Variants in RNF144A observed in about 807,000 individuals in gnomAD.
RNF144A encodes E3 ubiquitin-protein ligase RNF144A.
A neutral mutation model predicts 38.7 loss-of-function variants in RNF144A; 11 were observed. The ratio of observed to expected loss-of-function variants is 0.28; its 90% CI spans 0.18 to 0.47. RNF144A has a LOEUF of 0.47. RNF144A is among the 20% of genes least tolerant of loss of function. RNF144A has a pLI of 0.99. For synonymous variants in RNF144A, 149 were observed against 143.9 expected (o/e 1.04, Z -0.25); for missense variants, 316 against 377.2 (o/e 0.84, Z 1.34).
chr2:6,920,605 C>T (rs929714985), intron 1 of RNF144A, among the ~76,000 whole-genome samples: 1 of 152,132 alleles, frequency 6.6e-6, no homozygotes, highest in Non-Finnish European at 1.5e-5. Flanking sequence ...AGCCCAGAGG[C>T]GGGGAATGGA....
At chr2:6,973,896 C>T (rs928418053) in intron 2 of RNF144A, among the ~76,000 whole-genome samples, 1 of 152,216 alleles carries the variant, frequency 6.6e-6, no homozygotes, top group African/African-American at 2.4e-5. Flanking sequence ...ACCCCATGAT[C>T]CACAAAGCCT....
intron 6 of RNF144A, among the ~76,000 whole-genome samples, chr2:7,067,063 A>G (rs1344181461): frequency 1.3e-5 from 2 of 152,192 alleles, no homozygotes; most frequent in Non-Finnish European, 2.9e-5. Context: ...GTCTTTGCTT[A>G]TTTTTGGTAG....
downstream of RNF144A, among the ~76,000 whole-genome samples, chr2:7,069,154 G>T (rs1180783675): frequency 6.6e-6 from 1 of 152,160 alleles, no homozygotes; most frequent in Non-Finnish European, 1.5e-5. Flanking sequence ...GTTGAGTTGG[G>T]GATAGCTGTG....
At chr2:6,939,338 A>G (rs1665816023) in intron 1 of RNF144A, among the ~76,000 whole-genome samples, 1 of 152,188 alleles carries the variant, frequency 6.6e-6, no homozygotes, top group African/African-American at 2.4e-5. Context: ...TTGGTTAGTC[A>G]TGTAGAGCAA....
chr2:6,967,657 G>C (rs747026603), intron 2 of RNF144A, among the ~76,000 whole-genome samples: 3 of 152,206 alleles, frequency 2.0e-5, no homozygotes, highest in Non-Finnish European at 4.4e-5. Context: ...TGACTGCGGT[G>C]GTGAATCCTT....
At chr2:7,065,486 T>C (rs939985935) in intron 6 of RNF144A, among the ~76,000 whole-genome samples, 1 of 152,262 alleles carries the variant, frequency 6.6e-6, no homozygotes, top group East Asian at 1.9e-4. Flanking sequence ...AAAGAAATAT[T>C]ATCTTTTGCT....
In RNF144A at chr2:7,043,263, G is replaced by A; in HGVS notation, c.*3503G>A. Reference sequence around the variant, plus strand: ...AGTTCCTGATTAGAACACAGGACCTGTGGGAGGGACTATCAGAGATGCAAA... The same window carrying A: ...AGTTCCTGATTAGAACACAGGACCTATGGGAGGGACTATCAGAGATGCAAA... On this transcript the variant is annotated 3_prime_UTR_variant, in exon 9 of 9. Coordinates refer to ENST00000320892, the MANE Select transcript of RNF144A (RefSeq NM_014746.6). The A allele has an allele frequency of 1.0e-6, 1 of 985,118 alleles. No individual in the cohort carries two copies. The highest frequency in any genetic ancestry group is 1.7e-5 in the African/African-American group (1 of 57,364). The allele number at this position is 985,118 out of a possible 1,614,324, so 61.0% of individuals were successfully genotyped here.
rs1667141706 is a variant in RNF144A, at chr2:6,958,477, T to C, written c.-12+17330T>C. 6.6e-6 allele frequency among the ~76,000 whole-genome samples: 1 copy of C among 152,174 alleles called. No individual in the cohort carries two copies. Among genetic ancestry groups the C allele is most frequent in the Admixed American group, 6.5e-5 (1 of 15,282 alleles). On this transcript the variant is annotated intron_variant, in intron 2 of 8. Transcript: ENST00000320892. This position sits in a 1 kb window ranked among gnomAD's most constrained non-coding sequence, Gnocchi z 4.5. ...TTAGTGATTCATGGTGCTCTCAGCATAGACCTTGAGCAATAACCCATGTGG... is the reference window on the plus strand; with the variant it reads ...TTAGTGATTCATGGTGCTCTCAGCACAGACCTTGAGCAATAACCCATGTGG...
In RNF144A at chr2:7,020,508, G is replaced by A; in HGVS notation, c.337G>A (p.Ala113Thr). ...TGATCCCTGTCGGACTTGGTGCCCG[G>A]CGTCCACCTGCCAAGCTGTGTGTCA... is the stretch of plus-strand genomic sequence containing the variant. ...LFDPCRTWCP[A>T]STCQAVCQLQ... The change falls in exon 6 of 9, where the codon GCG (alanine) becomes ACG (threonine). Residue 113 changes from alanine (A) to threonine (T), a missense_variant. Ala to Thr is a moderately conservative substitution (Grantham distance 58). Coordinates refer to ENST00000320892, the MANE Select transcript of RNF144A (RefSeq NM_014746.6). 2 of 1,613,730 alleles carry A rather than the reference G, an allele frequency of 1.2e-6. No individual in the cohort carries two copies. Among genetic ancestry groups the A allele is most frequent in the Admixed American group, 3.3e-5 (2 of 60,016 alleles).
chr2:6,942,113 T>C (rs1666031333), intron 2 of RNF144A, among the ~76,000 whole-genome samples: 1 of 152,208 alleles, frequency 6.6e-6, no homozygotes, highest in Non-Finnish European at 1.5e-5. Context: ...TTGGAGGATA[T>C]TGCAGATGGC....
Position 6,941,771 on chromosome 2 carries a change from G to A in RNF144A, c.-12+624G>A, listed in dbSNP as rs1040394107. On this transcript the variant is annotated intron_variant, in intron 2 of 8. Transcript: ENST00000320892. This position sits in a 1 kb window ranked among gnomAD's most constrained non-coding sequence, Gnocchi z 6.5. ...GAAATTGAACATGCACTTTAAGGAG[G>A]CGCAGTAACTAGCCACTTAGCATCT... Among the ~76,000 whole-genome samples, 22 of 152,272 alleles carry A rather than the reference G, an allele frequency of 1.4e-4. No homozygotes were observed. The highest frequency in any genetic ancestry group is 4.1e-4 in the South Asian group (2 of 4,838).
At chr2:6,998,508 G>C (rs1201475282) in intron 3 of RNF144A, among the ~76,000 whole-genome samples, 1 of 152,198 alleles carries the variant, frequency 6.6e-6, no homozygotes, top group East Asian at 1.9e-4. Flanking sequence ...GGCCCATTCT[G>C]TATCCACCTA....
intron 7 of RNF144A, among the ~76,000 whole-genome samples, chr2:7,026,055 A>G (rs1052152458): frequency 6.6e-6 from 1 of 152,204 alleles, no homozygotes; most frequent in Non-Finnish European, 1.5e-5. Flanking sequence ...TCAGGCCTCC[A>G]AGGTGAAGGA....
At chr2:6,978,472 A>G (rs1668439830) in intron 2 of RNF144A, among the ~76,000 whole-genome samples, 1 of 152,184 alleles carries the variant, frequency 6.6e-6, no homozygotes, top group Non-Finnish European at 1.5e-5. Context: ...GTAAAAACCC[A>G]AGTTCGAACG....
rs1227029389 is a variant in RNF144A at position 7,039,994 on chromosome 2, T to G, written c.*234T>G. ...GGTAGCGCACATCCCCACAGATCAA[T>G]CTCTGCAGATGACAGGGAGGTGCTG... On this transcript the variant is annotated 3_prime_UTR_variant, in exon 9 of 9. Transcript: ENST00000320892. The G allele has an allele frequency of 1.5e-6, 2 of 1,298,704 alleles. No homozygotes were observed. Among genetic ancestry groups the G allele is most frequent in the African/African-American group, 1.5e-5 (1 of 65,750 alleles). 80.4% of individuals were successfully genotyped at this position (1,298,704 alleles called of 1,614,324 possible).
At chr2:6,936,278 T>C (rs910816042) in intron 1 of RNF144A, among the ~76,000 whole-genome samples, 1 of 152,224 alleles carries the variant, frequency 6.6e-6, no homozygotes, top group African/African-American at 2.4e-5. Context: ...TTGTAGCTCT[T>C]ATCACTAACT....
intron 1 of RNF144A, among the ~76,000 whole-genome samples, chr2:6,922,817 G>A (rs1172521709): frequency 1.3e-5 from 2 of 152,108 alleles, no homozygotes; most frequent in Non-Finnish European, 2.9e-5. Context: ...GTAGAGACGG[G>A]GTTTCACTGT....
rs762784605 is a variant in RNF144A, at chr2:6,943,120, G to A, written c.-12+1973G>A. Among the ~76,000 whole-genome samples, 5 of 152,252 alleles carry A rather than the reference G, an allele frequency of 3.3e-5. No individual in the cohort carries two copies. Among genetic ancestry groups the A allele is most frequent in the South Asian group, 2.1e-4 (1 of 4,838 alleles). Reference sequence around the variant, plus strand: ...TAAGAGGGCGGTATGTGCTGGAGATGTGATAGGAGTCTTTGGCCTCTGTTT... The same window carrying A: ...TAAGAGGGCGGTATGTGCTGGAGATATGATAGGAGTCTTTGGCCTCTGTTT... On this transcript the variant is annotated intron_variant, in intron 2 of 8. Transcript: ENST00000320892. This position sits in a 1 kb window ranked among gnomAD's most constrained non-coding sequence, Gnocchi z 4.3.
chr2:6,952,226 C>A (rs1387569563), intron 2 of RNF144A, among the ~76,000 whole-genome samples: 2 of 151,970 alleles, frequency 1.3e-5, no homozygotes, highest in African/African-American at 4.8e-5. Flanking sequence ...ATGTTAAATT[C>A]TCTTATACTT....
Sources: allele counts gnomAD v4.1 joint callset (sites outside exome capture counted in the v4.1 genomes callset), GRCh38; gene constraint gnomAD v4.1.1; non-coding constraint Gnocchi (gnomAD v3.1); transcripts MANE v1.5; gene names NCBI Gene and HGNC (gene_info 2026-07-23, HGNC 2026-07-21).